Variants in LTN1 observed in about 807,000 individuals in gnomAD.
The protein encoded by LTN1 is E3 ubiquitin-protein ligase listerin.
A neutral mutation model predicts 201.2 loss-of-function variants in LTN1; 88 were observed. That is an observed-to-expected ratio of 0.44 (90% CI 0.37 to 0.52). The LOEUF (loss-of-function observed/expected upper bound fraction) is 0.52. Ranked by LOEUF, LTN1 falls within the 20% of genes least tolerant of loss-of-function variation. LTN1 has a pLI of 0.00. For missense variants in LTN1, 1,752 were observed against 2,038.7 expected (o/e 0.86, Z 2.71); for synonymous variants, 645 against 713.5 (o/e 0.90, Z 1.53).
chr21:28,940,619 T>C (rs2084289809), intron 25 of LTN1, among the ~76,000 whole-genome samples: 2 of 151,896 alleles, frequency 1.3e-5, no homozygotes, highest in Admixed American at 6.6e-5. Context: ...ATCATTACTA[T>C]GATAGTACAA....
At chr21:28,982,390 A>C (rs749704158) in intron 4 of LTN1, 22 bp from the exon 5 acceptor site, 2 of 1,600,790 alleles carry the variant, frequency 1.2e-6, no homozygotes, top group Admixed American at 3.3e-5. Context: ...GGAAATACCA[A>C]AGCCTTTGGT....
At chr21:28,959,363 A>C (rs2084454647) in intron 13 of LTN1, 95 bp downstream of exon 13, 1 of 1,434,254 alleles carries the variant, frequency 7.0e-7, no homozygotes, top group African/African-American at 1.4e-5. Context: ...TTTCAAACAC[A>C]TTATAATTCA....
At chr21:28,957,566 A>C in intron 14 of LTN1, 90 bp from the exon 15 acceptor site, 6 of 785,356 alleles carry the variant, frequency 7.6e-6, no homozygotes, top group Admixed American at 3.2e-5. Flanking sequence ...ATAATAGCTC[A>C]CCTGAACAAA....
chr21:28,981,367 T>C, intron 5 of LTN1, 68 bp from the exon 6 acceptor site: 1 of 871,298 alleles, frequency 1.1e-6, no homozygotes, highest in Non-Finnish European at 1.6e-6. Context: ...CTGGTGGTTC[T>C]ATTTAAAATG....
rs1382273255 is a variant in LTN1, at chr21:28,946,178, C to T, written c.3597G>A (p.Glu1199=). 1.9e-6 allele frequency: 3 copies of T among 1,582,788 alleles called. No individual in the cohort carries two copies. The highest frequency in any genetic ancestry group is 2.6e-6 in the Non-Finnish European group (3 of 1,166,028). The change falls in exon 20 of 30, where the codon GAG becomes GAA. Residue 1199 remains glutamate, a synonymous_variant. Coordinates refer to ENST00000361371, the MANE Select transcript of LTN1 (RefSeq NM_015565.3). ...AACTGAAAAGAAAAATATCTTCATG[C>T]TCTTTCTTCCAGGATATTATGATTT... is the stretch of plus-strand genomic sequence containing the variant. ...ILKIIISWKK[E]HEDIFLFSCN... is the part of the protein sequence containing the mutation.
chr21:28,979,179 G>GATGGCTA (rs2084639807), intron 6 of LTN1, among the ~76,000 whole-genome samples: 1 of 152,216 alleles, frequency 6.6e-6, no homozygotes, highest in South Asian at 2.1e-4. Flanking sequence ...TAGAATATAA[G>GATGGCTA]GTTATGCAGT....
At position 28,946,243 on chromosome 21, in the gene LTN1, T is replaced by A; in HGVS notation, c.3532A>T (p.Lys1178Ter). 6.3e-7 allele frequency: 1 copy of A among 1,587,512 alleles called. No individual in the cohort carries two copies. The highest frequency in any genetic ancestry group is 8.5e-7 in the Non-Finnish European group (1 of 1,170,766). The part of the protein sequence containing the change: ...LAIFNSCLQT[K>*]SIDDGELLHG... ...AATAGCTCTCCATCATCTATACTTT[T>A]GGTTTGCAGACAAGAATTGAAAATG... is the stretch of plus-strand genomic sequence containing the variant. The change falls in exon 20 of 30, where the codon AAA (lysine) becomes TAA (stop). Residue 1178 changes from lysine (K) to a stop codon, truncating the protein, a stop_gained. Coordinates refer to ENST00000361371, the MANE Select transcript of LTN1 (RefSeq NM_015565.3). LOFTEE classifies it high-confidence loss of function.
At chr21:28,938,875 C>T (rs1197575065) in intron 25 of LTN1, among the ~76,000 whole-genome samples, 1 of 152,064 alleles carries the variant, frequency 6.6e-6, no homozygotes, top group East Asian at 1.9e-4. Flanking sequence ...AGAGACAGAA[C>T]ACAGTTTAAT....
At chr21:28,934,976 C>T in intron 27 of LTN1, 133 bp downstream of exon 27, 1 of 656,776 alleles carries the variant, frequency 1.5e-6, no homozygotes, top group East Asian at 2.7e-5. Flanking sequence ...GGGATTAAGG[C>T]ATGAGCCACG....
Position 28,951,343 on chromosome 21 carries a change from C to T in LTN1, c.3344+817G>A, listed in dbSNP as rs557583684. ...AAATTCAAAATGCCTCTTGGTAAAT[C>T]TCAGCTAAGTATTAATTTGAATGCT... On this transcript the variant is annotated intron_variant, in intron 18 of 29. Transcript: ENST00000361371. 9.2e-5 allele frequency among the ~76,000 whole-genome samples: 14 copies of T among 152,288 alleles called. No individual in the cohort carries two copies. In the South Asian group the frequency reaches 2.9e-3, roughly 32 times the overall value.
chr21:28,965,602 T>G (rs2084514892), intron 11 of LTN1, among the ~76,000 whole-genome samples: 1 of 152,210 alleles, frequency 6.6e-6, no homozygotes, highest in Non-Finnish European at 1.5e-5. Flanking sequence ...AATCTGCCTT[T>G]GTTACCTTCT....
In LTN1 at chr21:28,981,241, A is replaced by G. The variant is rs939563513; in HGVS notation, c.688T>C (p.Leu230=). 5.6e-6 allele frequency: 9 copies of G among 1,594,850 alleles called. No individual in the cohort carries two copies. The Middle Eastern group carries it at 5.0e-4, about 89-fold the overall frequency. ...KFYRVVTCSL[L]ALKRLLCLLP... ...AGGCAAAGTAATCTCTTTAATGCCA[A>G]TAAGGAACAAGTTACAACCCGGTAG... Residue 230 remains leucine (L), a synonymous_variant, in exon 6 of 30, where the codon TTG becomes CTG. Transcript: ENST00000361371.
Position 28,928,757 on chromosome 21 carries a change from C to A in LTN1, c.*1691G>T, listed in dbSNP as rs1387708418. The A allele has an allele frequency of 6.6e-6, 1 of 152,174 alleles. No homozygotes were observed. The highest frequency in any genetic ancestry group is 1.5e-5 in the Non-Finnish European group (1 of 67,974). 9.4% of individuals were successfully genotyped at this position (152,174 alleles called of 1,614,324 possible). ...CTAATACTAATGTGGAAAAACAATG[C>A]TCCATTATTCCATTTTCTTTTCTGC... On this transcript the variant is annotated 3_prime_UTR_variant, in exon 30 of 30. Coordinates refer to ENST00000361371, the MANE Select transcript of LTN1 (RefSeq NM_015565.3).
intron 29 of LTN1, among the ~76,000 whole-genome samples, chr21:28,930,903 G>A (rs968017676): frequency 2.0e-5 from 3 of 152,128 alleles, no homozygotes; most frequent in Non-Finnish European, 4.4e-5. Context: ...AGTGGTAAAA[G>A]GTCACTGGAA....
chr21:28,964,528 A>C (rs1311838010), intron 11 of LTN1: 1 of 1,459,028 alleles, frequency 6.9e-7, no homozygotes. Flanking sequence ...TGGCAATCCA[A>C]AATACTTGTG....
At chr21:28,960,368 GAA>G in intron 12 of LTN1, 147 bp downstream of exon 12, 1 of 546,752 alleles carries the variant, frequency 1.8e-6, no homozygotes, top group Admixed American at 3.7e-5. Context: ...AAAAAAAAAA[GAA>G]AAAAGAAAAG....
At position 28,959,614 on chromosome 21, in the gene LTN1, C is replaced by T. The variant is rs1568845082; in HGVS notation, c.2437G>A (p.Ala813Thr). The change falls in exon 13 of 30, where the codon GCT (alanine) becomes ACT (threonine). Residue 813 changes from alanine (A) to threonine (T), a missense_variant. Ala to Thr is a moderately conservative substitution (Grantham distance 58). Coordinates refer to ENST00000361371, the MANE Select transcript of LTN1 (RefSeq NM_015565.3). The stretch of plus-strand genomic sequence containing the variant: ...GACACTGATGAGTCACTGCTTTCAG[C>T]TTCTGATAATTTCTTTGTTTTGAAT... ...TLFKTKKLSE[A>T]ESSDSSVSFI... 1.2e-6 allele frequency: 2 copies of T among 1,613,990 alleles called. No individual in the cohort carries two copies. The highest frequency in any genetic ancestry group is 3.3e-5 in the Admixed American group (2 of 60,016).
At chr21:28,973,218 CAT>C (rs1334459899) in intron 6 of LTN1, among the ~76,000 whole-genome samples, 5 of 151,828 alleles carry the variant, frequency 3.3e-5, no homozygotes, top group South Asian at 2.1e-4. Flanking sequence ...CATGGTGGCA[CAT>C]GCTTGTAATC....
chr21:28,966,942 T>C lies in LTN1; in HGVS notation c.1549A>G (p.Asn517Asp). ...ADVESVLGVS[N>D]LLQVLQKPKS... ...GGCTTCTGAAGCACCTGTAATAGGT[T>C]AGATACACCCAAAACGGACTCAACA... Residue 517 changes from asparagine to aspartate, a missense_variant, in exon 10 of 30, where the codon AAC (asparagine) becomes GAC (aspartate). Physicochemically the swap from Asn to Asp is conservative, Grantham distance 23. Transcript: ENST00000361371. The C allele has an allele frequency of 1.9e-6, 3 of 1,614,014 alleles. No individual in the cohort carries two copies. Among genetic ancestry groups the C allele is most frequent in the Non-Finnish European group, 2.5e-6 (3 of 1,179,988 alleles).
Sources: gnomAD v4.1 joint callset for allele counts (sites outside exome capture counted in the v4.1 genomes callset) on GRCh38, gnomAD v4.1.1 for gene constraint, MANE v1.5 for transcripts, NCBI Gene and HGNC (gene_info 2026-07-23, HGNC 2026-07-21) for gene names.